Variants in PTPRD observed in about 807,000 individuals in gnomAD.
PTPRD encodes protein tyrosine phosphatase receptor type D, also known as receptor-type tyrosine-protein phosphatase delta.
Under a neutral mutation model 214.5 loss-of-function variants are expected in PTPRD, and 34 were observed. The observed-to-expected ratio is 0.16, with a 90% CI of 0.12 to 0.21. PTPRD has a LOEUF of 0.21. Among genes scored for constraint, PTPRD ranks in the 10% least tolerant of loss-of-function variants. The pLI is 1.00. For missense variants in PTPRD, 2,545 were observed against 2,398.7 expected (o/e 1.06, Z -1.27); for synonymous variants, 1,128 against 845.7 (o/e 1.33, Z -5.79).
intron 11 of PTPRD, among the ~76,000 whole-genome samples, chr9:8,757,019 G>A (rs2094040975): frequency 6.6e-6 from 1 of 152,116 alleles, no homozygotes; most frequent in Non-Finnish European, 1.5e-5. Context: ...ATGGACACCT[G>A]TAATCCCAGC....
intron 10 of PTPRD, among the ~76,000 whole-genome samples, chr9:9,057,363 C>G (rs1414223535): frequency 1.3e-5 from 2 of 151,986 alleles, no homozygotes; most frequent in African/African-American, 4.8e-5. Context: ...AATTCAATGC[C>G]CTCAAGCCCC....
At chr9:8,658,261 A>G in intron 12 of PTPRD, among the ~76,000 whole-genome samples, 1 of 152,176 alleles carries the variant, frequency 6.6e-6, no homozygotes. Context: ...TTATTATGGA[A>G]GTTTATATGT....
intron 9 of PTPRD, among the ~76,000 whole-genome samples, chr9:9,298,716 G>C (rs1207207292): frequency 6.6e-6 from 1 of 151,532 alleles, no homozygotes; most frequent in Non-Finnish European, 1.5e-5. Context: ...CTTAGCAATG[G>C]GCTGTTTATA....
chr9:9,665,274 A>G (rs746881312), intron 7 of PTPRD, among the ~76,000 whole-genome samples: 10 of 151,818 alleles, frequency 6.6e-5, no homozygotes, highest in Non-Finnish European at 1.3e-4. Flanking sequence ...ATGTAAATAG[A>G]AACACGGCAT....
At chr9:10,409,682 T>G (rs773725631) in intron 2 of PTPRD, among the ~76,000 whole-genome samples, 3 of 151,852 alleles carry the variant, frequency 2.0e-5, no homozygotes, top group Non-Finnish European at 2.9e-5. Flanking sequence ...TAATAGAATC[T>G]CATTTGCCTT....
intron 7 of PTPRD, among the ~76,000 whole-genome samples, chr9:9,600,785 A>G (rs183231390): frequency 1.3e-5 from 2 of 152,220 alleles, no homozygotes; most frequent in African/African-American, 2.4e-5. Flanking sequence ...CTTTACACAT[A>G]TATTTAAAAT....
chr9:9,522,637 G>A (rs2097013278), intron 8 of PTPRD, among the ~76,000 whole-genome samples: 1 of 152,098 alleles, frequency 6.6e-6, no homozygotes, highest in Non-Finnish European at 1.5e-5. Flanking sequence ...CATGCTCTCT[G>A]TTGGTGTAAT....
intron 8 of PTPRD, among the ~76,000 whole-genome samples, chr9:9,420,864 C>A (rs371485523): frequency 1.3e-5 from 2 of 151,800 alleles, no homozygotes; most frequent in Admixed American, 1.3e-4. Context: ...GAAAAAATAT[C>A]TTTTCATAAA....
Position 8,507,351 on chromosome 9 carries a change from T to C in PTPRD, c.1627A>G (p.Thr543Ala). The part of the protein sequence containing the change: ...LLSWTPPRSD[T>A]IANYELVYKD... ...TAGACCAGTTCATAGTTGGCAATGG[T>C]ATCTGAACGTGGAGGTGTCCAAGAG... The change falls in exon 22 of 46, where the codon ACC becomes GCC. Residue 543 changes from threonine (T) to alanine (A), a missense_variant. Thr to Ala is a moderately conservative substitution (Grantham distance 58, BLOSUM62 0). Coordinates refer to ENST00000381196, the MANE Select transcript of PTPRD (RefSeq NM_002839.4). 1 of 1,614,024 alleles carries C rather than the reference T, an allele frequency of 6.2e-7. No individual in the cohort carries two copies. Among genetic ancestry groups the C allele is most frequent in the Non-Finnish European group, 8.5e-7 (1 of 1,179,876 alleles).
intron 14 of PTPRD, among the ~76,000 whole-genome samples, chr9:8,608,219 A>C (rs1440236581): frequency 6.6e-6 from 1 of 152,182 alleles, no homozygotes; most frequent in Admixed American, 6.5e-5. Flanking sequence ...GATAATACAA[A>C]TAGTTGAACT....
intron 39 of PTPRD, among the ~76,000 whole-genome samples, chr9:8,350,250 T>C (rs2075077886): frequency 6.6e-6 from 1 of 152,152 alleles, no homozygotes; most frequent in Non-Finnish European, 1.5e-5. Context: ...TTCTGATTAA[T>C]GTGGTGGAGT....
At chr9:9,212,483 G>T (rs947210451) in intron 9 of PTPRD, among the ~76,000 whole-genome samples, 1 of 152,142 alleles carries the variant, frequency 6.6e-6, no homozygotes, top group Non-Finnish European at 1.5e-5. Context: ...GCTATTAATT[G>T]TATATTACTG....
At chr9:9,544,258 C>T (rs1424049575) in intron 8 of PTPRD, among the ~76,000 whole-genome samples, 1 of 151,490 alleles carries the variant, frequency 6.6e-6, no homozygotes, top group Non-Finnish European at 1.5e-5. Context: ...CAAGTATTAA[C>T]CATTTGTAAT....
chr9:9,951,195 A>G (rs142428634), intron 4 of PTPRD, among the ~76,000 whole-genome samples: 1 of 152,258 alleles, frequency 6.6e-6, no homozygotes, highest in East Asian at 1.9e-4. Flanking sequence ...GCTTCTATTA[A>G]CTGAATTAGA....
At chr9:9,876,769 T>C (rs955374215) in intron 5 of PTPRD, among the ~76,000 whole-genome samples, 4 of 152,192 alleles carry the variant, frequency 2.6e-5, no homozygotes, top group African/African-American at 7.2e-5. Context: ...TGTTATGTTA[T>C]TGTGGTGACA....
intron 34 of PTPRD, among the ~76,000 whole-genome samples, chr9:8,449,457 T>C (rs1278802867): frequency 6.6e-6 from 1 of 152,142 alleles, no homozygotes; most frequent in Non-Finnish European, 1.5e-5. Flanking sequence ...CCCATAAAAA[T>C]GGTAGATATT....
chr9:9,433,270 G>C (rs1256638846), intron 8 of PTPRD, among the ~76,000 whole-genome samples: 1 of 152,160 alleles, frequency 6.6e-6, no homozygotes, highest in Non-Finnish European at 1.5e-5. Flanking sequence ...AACAGTTAAA[G>C]CTTATTGAAG....
intron 7 of PTPRD, among the ~76,000 whole-genome samples, chr9:9,667,719 G>C (rs2096750461): frequency 6.6e-6 from 1 of 152,114 alleles, no homozygotes; most frequent in Admixed American, 6.6e-5. Flanking sequence ...TGGTCACCAA[G>C]CATTAGCGTA....
At chr9:9,577,526 T>C (rs1444203296) in intron 7 of PTPRD, among the ~76,000 whole-genome samples, 1 of 152,034 alleles carries the variant, frequency 6.6e-6, no homozygotes, top group Non-Finnish European at 1.5e-5. Flanking sequence ...ATTGTGCCAC[T>C]GCATCCAGCC....
Sources: gnomAD v4.1 joint callset for allele counts (sites outside exome capture counted in the v4.1 genomes callset) on GRCh38, gnomAD v4.1.1 for gene constraint, MANE v1.5 for transcripts, NCBI Gene and HGNC (gene_info 2026-07-23, HGNC 2026-07-21) for gene names.